Variants in SIDT1 observed in about 807,000 individuals in gnomAD.
The protein encoded by SIDT1 is SID1 transmembrane family, member 1.
Under a neutral mutation model 107.5 loss-of-function variants are expected in SIDT1, and 101 were observed. That is an observed-to-expected ratio of 0.94 (90% confidence interval 0.80 to 1.11). SIDT1 has a LOEUF of 1.11. Ranked by LOEUF, SIDT1 falls within the 50% of genes least tolerant of loss-of-function variation. The pLI is 0.00. For synonymous variants in SIDT1, 395 were observed against 398.2 expected (o/e 0.99, Z 0.10); for missense variants, 1,076 against 1,058.2 (o/e 1.02, Z -0.23).
intron 10 of SIDT1, among the ~76,000 whole-genome samples, chr3:113,599,087 C>T (rs1944774709): frequency 1.3e-5 from 2 of 152,212 alleles, no homozygotes; most frequent in South Asian, 2.1e-4. Context: ...CATGATTGTG[C>T]CACTGCACTC....
chr3:113,612,727 T>A (rs1945843085), intron 19 of SIDT1, among the ~76,000 whole-genome samples: 1 of 152,212 alleles, frequency 6.6e-6, no homozygotes, highest in Non-Finnish European at 1.5e-5. Context: ...TCTACAGAAA[T>A]CAGCTTGTGA....
At position 113,605,154 on chromosome 3, in the gene SIDT1, G is replaced by A. The variant is rs569217337; in HGVS notation, c.1404+178G>A. Among the ~76,000 whole-genome samples, 167 of 115,262 alleles carry A rather than the reference G, an allele frequency of 1.4e-3. 1 individual carries two copies. The Middle Eastern group carries it at 0.029, about 20-fold the overall frequency. The allele number at this position is 115,262 out of a possible 152,430, so 75.6% of individuals were successfully genotyped here. On this transcript the variant is annotated intron_variant, in intron 14 of 24. Coordinates refer to ENST00000264852, the MANE Select transcript of SIDT1 (RefSeq NM_017699.3). ...TTTTTTTTTTTTTTGACGGAGTCTC[G>A]CTCTGTCACCCTGGCTGGAGTGCAA...
At chr3:113,586,305 A>AAAGG (rs1943740952) in intron 9 of SIDT1, among the ~76,000 whole-genome samples, 1 of 152,210 alleles carries the variant, frequency 6.6e-6, no homozygotes, top group Non-Finnish European at 1.5e-5. Context: ...CCCTGTTGAT[A>AAAGG]AAGGAAGGAA....
chr3:113,578,780 A>G (rs1166792822), intron 4 of SIDT1, among the ~76,000 whole-genome samples: 2 of 152,174 alleles, frequency 1.3e-5, no homozygotes, highest in African/African-American at 2.4e-5. Context: ...ACTTGAGCCC[A>G]GGAGGTCAAG....
Position 113,532,984 on chromosome 3 carries a change from G to T in SIDT1, c.-38G>T, listed in dbSNP as rs1317774244. 7.6e-7 allele frequency: 1 copy of T among 1,307,852 alleles called. No homozygotes were observed. The highest frequency in any genetic ancestry group is 9.8e-7 in the Non-Finnish European group (1 of 1,024,032). The allele number at this position is 1,307,852 out of a possible 1,614,324, so 81.0% of individuals were successfully genotyped here. On this transcript the variant is annotated 5_prime_UTR_variant, in exon 1 of 25. It adds an upstream start codon to the 5' untranslated region. Coordinates refer to ENST00000264852, the MANE Select transcript of SIDT1 (RefSeq NM_017699.3). ...CCTCTCTGCGCTCGCCCCCTCCCCAGGGTGGCTCCGCTTTCGAGCCCGGGC... is the reference window on the plus strand; with the variant it reads ...CCTCTCTGCGCTCGCCCCCTCCCCATGGTGGCTCCGCTTTCGAGCCCGGGC...
At chr3:113,556,821 C>CTT (rs61672960) in intron 1 of SIDT1, among the ~76,000 whole-genome samples, 1 of 107,660 alleles carries the variant, frequency 9.3e-6, no homozygotes, top group Admixed American at 1.1e-4. Context: ...GTTTCTTTTT[C>CTT]TTTTTTTTTT....
At chr3:113,551,929 C>T (rs919276088) in intron 1 of SIDT1, among the ~76,000 whole-genome samples, 5 of 151,936 alleles carry the variant, frequency 3.3e-5, no homozygotes, top group African/African-American at 1.2e-4. Context: ...GAGACCCGAG[C>T]AGTTGGCCTG....
At chr3:113,551,826 TG>T (rs1940278854) in intron 1 of SIDT1, among the ~76,000 whole-genome samples, 2 of 77,486 alleles carry the variant, frequency 2.6e-5, no homozygotes, top group Non-Finnish European at 4.9e-5. Context: ...GTTTTAGGGG[TG>T]TGTGTGTGTG....
chr3:113,571,739 AC>A (rs1331699620), intron 3 of SIDT1, among the ~76,000 whole-genome samples: 1 of 152,100 alleles, frequency 6.6e-6, no homozygotes, highest in Non-Finnish European at 1.5e-5. Flanking sequence ...TTCAAGACAA[AC>A]CTGGCCAATA....
chr3:113,535,585 GAC>G (rs1263685237), intron 1 of SIDT1, among the ~76,000 whole-genome samples: 1 of 152,136 alleles, frequency 6.6e-6, no homozygotes, highest in Non-Finnish European at 1.5e-5. Context: ...ATTTTTGAAT[GAC>G]ACAGTAAAAG....
intron 9 of SIDT1, among the ~76,000 whole-genome samples, chr3:113,590,659 T>C (rs1322530003): frequency 6.6e-6 from 1 of 152,220 alleles, no homozygotes; most frequent in Non-Finnish European, 1.5e-5. Context: ...TGTATTTCTC[T>C]ACACTAGCAA....
rs775284679 is a variant in SIDT1 at position 113,592,997 on chromosome 3, GT to G, written c.1002-5del. 9.3e-6 allele frequency: 15 copies of G among 1,609,886 alleles called. No individual in the cohort carries two copies. The highest frequency in any genetic ancestry group is 1.3e-5 in the Non-Finnish European group (15 of 1,176,138). Reference sequence around the variant, plus strand: ...GTCTTAGGAGCATGTGTATGTGCTTGTTTGCAGGTTTCAGAGAAAATCCATT... The same window carrying G: ...GTCTTAGGAGCATGTGTATGTGCTTGTTGCAGGTTTCAGAGAAAATCCATT... On this transcript the variant is annotated splice_polypyrimidine_tract_variant and splice_region_variant and intron_variant, in intron 9 of 24. Transcript: ENST00000264852.
intron 3 of SIDT1, 67 bp downstream of exon 3, chr3:113,567,777 C>T (rs1942058042): frequency 2.7e-6 from 4 of 1,493,660 alleles, no homozygotes; most frequent in Admixed American, 3.6e-5. Context: ...ATTCATCTTC[C>T]ATCCTTACAG....
In SIDT1 at chr3:113,603,809, T is replaced by C. The variant is rs969512105; in HGVS notation, c.1264-151T>C. Reference sequence around the variant, plus strand: ...TTTTAATCAAGTAAATTTGATTTACTTAATCAAATTTAGTAAATTTGAATA... The same window carrying C: ...TTTTAATCAAGTAAATTTGATTTACCTAATCAAATTTAGTAAATTTGAATA... On this transcript the variant is annotated intron_variant, in intron 12 of 24. Transcript: ENST00000264852. The C allele has an allele frequency of 1.2e-5, 7 of 588,774 alleles. 1 individual carries two copies. In the African/African-American group the frequency reaches 1.4e-4, roughly 12 times the overall value. The allele number at this position is 588,774 out of a possible 1,614,324, so 36.5% of individuals were successfully genotyped here. A position where few individuals can be genotyped will look rare whatever the true frequency, so the allele number is the denominator to read the frequency against.
At chr3:113,578,281 C>A (rs867288843) in intron 4 of SIDT1, among the ~76,000 whole-genome samples, 7 of 151,802 alleles carry the variant, frequency 4.6e-5, no homozygotes, top group African/African-American at 1.2e-4. Context: ...CTGGCTAACA[C>A]GGTGAAACGT....
At chr3:113,575,152 T>C (rs2107461476) in intron 3 of SIDT1, among the ~76,000 whole-genome samples, 1 of 152,340 alleles carries the variant, frequency 6.6e-6, no homozygotes, top group South Asian at 2.1e-4. Context: ...CAAATCTTCA[T>C]ACATTTAGTA....
At position 113,604,927 on chromosome 3, in the gene SIDT1, C is replaced by T. The variant is rs1408030698; in HGVS notation, c.1355C>T (p.Ala452Val). The T allele has an allele frequency of 1.2e-6, 2 of 1,614,048 alleles. No homozygotes were observed. The highest frequency in any genetic ancestry group is 2.2e-5 in the South Asian group (2 of 91,080). The part of the protein sequence containing the change: ...KIYFWNIITI[A>V]VFYALPVIQL... Reference sequence around the variant, plus strand: ...CTGCATAGGAACATCATCACCATTGCTGTGTTTTACGCGCTGCCCGTGATC... The same window carrying T: ...CTGCATAGGAACATCATCACCATTGTTGTGTTTTACGCGCTGCCCGTGATC... Residue 452 changes from alanine to valine, a missense_variant, in exon 14 of 25, where the codon GCT (alanine) becomes GTT (valine). Coordinates refer to ENST00000264852, the MANE Select transcript of SIDT1 (RefSeq NM_017699.3).
chr3:113,571,594 G>A (rs1450813028), intron 3 of SIDT1, among the ~76,000 whole-genome samples: 1 of 152,092 alleles, frequency 6.6e-6, no homozygotes, highest in African/African-American at 2.4e-5. Flanking sequence ...GCAGGCAACA[G>A]CAGATGGCTA....
chr3:113,603,029 G>C lies in SIDT1; in HGVS notation c.1142G>C (p.Arg381Thr), dbSNP rs1443707270. 6.2e-7 allele frequency: 1 copy of C among 1,614,104 alleles called. No individual in the cohort carries two copies. Among genetic ancestry groups the C allele is most frequent in the Non-Finnish European group, 8.5e-7 (1 of 1,180,018 alleles). Residue 381 changes from arginine to threonine, a missense_variant, in exon 12 of 25, where the codon AGG (arginine) becomes ACG (threonine). Physicochemically the swap from Arg to Thr is moderately conservative, Grantham distance 71. Coordinates refer to ENST00000264852, the MANE Select transcript of SIDT1 (RefSeq NM_017699.3). ...TIDESSSSPGRQMSSSDGGPP... is the reference protein window; with the variant it reads ...TIDESSSSPGTQMSSSDGGPP... Reference sequence around the variant, plus strand: ...GATGAGTCAAGCTCCAGTCCTGGAAGGCAGATGTCCTCCTCCGATGGTGGG... The same window carrying C: ...GATGAGTCAAGCTCCAGTCCTGGAACGCAGATGTCCTCCTCCGATGGTGGG...
Sources: allele counts gnomAD v4.1 joint callset (sites outside exome capture counted in the v4.1 genomes callset), GRCh38; gene constraint gnomAD v4.1.1; transcripts MANE v1.5; gene names NCBI Gene and HGNC (gene_info 2026-07-23, HGNC 2026-07-21).